Variants in PCDH9 observed in about 807,000 individuals in gnomAD.
PCDH9 encodes the protein protocadherin-9.
In PCDH9, 24 loss-of-function variants were observed where a neutral mutation model predicts 70.6. The ratio of observed to expected loss-of-function variants is 0.34; its 90% CI spans 0.25 to 0.48. PCDH9 has a LOEUF of 0.48. Ranked by LOEUF, PCDH9 falls within the 20% of genes least tolerant of loss-of-function variation. The pLI, the probability that PCDH9 is intolerant of heterozygous loss-of-function variation, is 0.99. For synonymous variants in PCDH9, 562 were observed against 558.5 expected (o/e 1.01, Z -0.09); for missense variants, 1,281 against 1,503.6 (o/e 0.85, Z 2.45).
intron 4 of PCDH9, among the ~76,000 whole-genome samples, chr13:66,366,982 A>T (rs927624981): frequency 1.3e-5 from 2 of 152,120 alleles, no homozygotes; most frequent in African/African-American, 4.8e-5. Flanking sequence ...GTTTAGCAAG[A>T]ATCAACACTA....
At chr13:66,758,144 C>T (rs1319134742) in intron 3 of PCDH9, among the ~76,000 whole-genome samples, 3 of 151,984 alleles carry the variant, frequency 2.0e-5, no homozygotes, top group Admixed American at 2.0e-4. Flanking sequence ...AGTATATATA[C>T]ATCATGGAAT....
At chr13:66,561,161 G>A (rs933545584) in intron 4 of PCDH9, among the ~76,000 whole-genome samples, 5 of 152,220 alleles carry the variant, frequency 3.3e-5, no homozygotes, top group South Asian at 2.1e-4. Flanking sequence ...CACTCGGAGC[G>A]GCCGGCTGGC....
chr13:66,578,763 A>G (rs1050570396), intron 4 of PCDH9, among the ~76,000 whole-genome samples: 25 of 152,106 alleles, frequency 1.6e-4, no homozygotes, highest in Non-Finnish European at 1.5e-5. Flanking sequence ...GCTAAAAACA[A>G]TGATTATAAC....
At chr13:67,219,774 A>G (rs1282050596) in intron 2 of PCDH9, 2 of 152,060 alleles carry the variant, frequency 1.3e-5, no homozygotes, top group Non-Finnish European at 2.9e-5. Flanking sequence ...TGCATTAACT[A>G]ATTTGTACTT....
intron 2 of PCDH9, among the ~76,000 whole-genome samples, chr13:67,079,933 G>C (rs893437278): frequency 6.6e-6 from 1 of 152,106 alleles, no homozygotes; most frequent in African/African-American, 2.4e-5. Flanking sequence ...CCCAACTAAA[G>C]AATGCCTAAA....
chr13:67,226,585 A>T lies in PCDH9; in HGVS notation c.1856T>A (p.Val619Glu), dbSNP rs2089878448. 6.2e-7 allele frequency: 1 copy of T among 1,613,856 alleles called. No individual in the cohort carries two copies. ...TATGACTCCAGAATAGGGATCCAAC[A>T]CAAAATTATCATTGTCATTTAGAAT... ...LSILNDNDNFVLDPYSGVIKS... is the reference protein window; with the variant it reads ...LSILNDNDNFELDPYSGVIKS... The change falls in exon 2 of 5, where the codon GTG becomes GAG. Residue 619 changes from valine to glutamate, a missense_variant. Transcript: ENST00000377865. The surrounding 1 kb of genome is among the most constrained non-coding windows in gnomAD (Gnocchi z 5.0).
intron 2 of PCDH9, among the ~76,000 whole-genome samples, chr13:67,033,007 A>G (rs2084937028): frequency 6.6e-6 from 1 of 151,534 alleles, no homozygotes; most frequent in South Asian, 2.1e-4. Flanking sequence ...TACTTATGTG[A>G]TGCATAATTT....
At chr13:66,360,379 T>C (rs1299290140) in intron 4 of PCDH9, among the ~76,000 whole-genome samples, 1 of 151,970 alleles carries the variant, frequency 6.6e-6, no homozygotes, top group Non-Finnish European at 1.5e-5. Flanking sequence ...ATGGGGGAAG[T>C]GTTTATTAAT....
chr13:66,765,952 T>C lies in PCDH9; in HGVS notation c.3139-134541A>G, dbSNP rs554094145. 3.3e-5 allele frequency among the ~76,000 whole-genome samples: 5 copies of C among 152,214 alleles called. No homozygotes were observed. The East Asian group carries it at 9.6e-4, about 29-fold the overall frequency. ...CACTATCTTTGTTAGCTTCTTACTTTTTTTAATCTAAAAACATGATATGTA... is the reference window on the plus strand; with the variant it reads ...CACTATCTTTGTTAGCTTCTTACTTCTTTTAATCTAAAAACATGATATGTA... On this transcript the variant is annotated intron_variant, in intron 3 of 4. Coordinates refer to ENST00000377865, the MANE Select transcript of PCDH9 (RefSeq NM_203487.3).
chr13:66,982,706 C>G (rs998449338), intron 2 of PCDH9, among the ~76,000 whole-genome samples: 6 of 152,160 alleles, frequency 3.9e-5, no homozygotes, highest in Admixed American at 1.3e-4. Flanking sequence ...GAAACCCTAC[C>G]TTGTAAACAA....
chr13:66,498,678 C>T (rs761081035), intron 4 of PCDH9, among the ~76,000 whole-genome samples: 1 of 152,070 alleles, frequency 6.6e-6, no homozygotes, highest in Admixed American at 6.6e-5. Context: ...AAATAAATAT[C>T]TCCACAAAAT....
At chr13:66,860,911 C>G (rs1306245880) in intron 3 of PCDH9, among the ~76,000 whole-genome samples, 1 of 152,180 alleles carries the variant, frequency 6.6e-6, no homozygotes, top group Non-Finnish European at 1.5e-5. Context: ...GCATGAAAAG[C>G]TACATTTTCC....
At chr13:66,576,378 A>G (rs577061183) in intron 4 of PCDH9, among the ~76,000 whole-genome samples, 2 of 152,038 alleles carry the variant, frequency 1.3e-5, no homozygotes, top group East Asian at 1.9e-4. Context: ...AATCGTAGCA[A>G]TGAAATTTCA....
intron 2 of PCDH9, among the ~76,000 whole-genome samples, chr13:67,046,213 G>T (rs1186455563): frequency 6.6e-6 from 1 of 152,112 alleles, no homozygotes. Context: ...TAAAAATGTT[G>T]CCAAGATTAC....
intron 2 of PCDH9, among the ~76,000 whole-genome samples, chr13:67,064,891 A>AATG (rs2085612389): frequency 6.7e-6 from 1 of 148,858 alleles, no homozygotes; most frequent in African/African-American, 2.5e-5. Context: ...CCTGTGTGGA[A>AATG]ATAGATAGAT....
At chr13:66,858,967 GT>G (rs1348346734) in intron 3 of PCDH9, 1 of 152,026 alleles carries the variant, frequency 6.6e-6, no homozygotes. Flanking sequence ...TCACTACATA[GT>G]TTTATTTAAT....
chr13:66,793,108 T>C (rs1159771045), intron 3 of PCDH9, among the ~76,000 whole-genome samples: 1 of 149,658 alleles, frequency 6.7e-6, no homozygotes, highest in Non-Finnish European at 1.5e-5. Context: ...ATGTAATATA[T>C]GCTTATATAT....
chr13:66,525,078 G>A (rs1405245613), intron 4 of PCDH9, among the ~76,000 whole-genome samples: 1 of 151,958 alleles, frequency 6.6e-6, no homozygotes, highest in Non-Finnish European at 1.5e-5. Flanking sequence ...TTAATTTGTG[G>A]TTCTAACCTC....
intron 4 of PCDH9, among the ~76,000 whole-genome samples, chr13:66,532,942 G>C (rs990105839): frequency 6.6e-6 from 1 of 152,098 alleles, no homozygotes; most frequent in Admixed American, 6.6e-5. Context: ...CCAAGGGTGA[G>C]ATGTAGCAGT....
Sources: gnomAD v4.1 joint callset for allele counts (sites outside exome capture counted in the v4.1 genomes callset) on GRCh38, gnomAD v4.1.1 for gene constraint, Gnocchi (gnomAD v3.1) non-coding constraint, MANE v1.5 for transcripts, NCBI Gene and HGNC (gene_info 2026-07-23, HGNC 2026-07-21) for gene names.